The following DYRK4 variants were observed in gnomAD, a reference collection of about 807,000 sequenced individuals.
DYRK4 encodes the protein dual specificity tyrosine phosphorylation regulated kinase 4.
A neutral mutation model predicts 68.3 loss-of-function variants in DYRK4; 64 were observed. That is an observed-to-expected ratio of 0.94 (90% CI 0.77 to 1.15). The LOEUF is 1.15. Among genes scored for constraint, DYRK4 ranks in the 50% most tolerant of loss-of-function variants. The pLI, the probability that DYRK4 is intolerant of heterozygous loss-of-function variation, is 0.00. For synonymous variants in DYRK4, 274 were observed against 289.9 expected (o/e 0.95, Z 0.56); for missense variants, 740 against 764.7 (o/e 0.97, Z 0.38).
chr12:4,590,979 G>C, intron 4 of DYRK4, 181 bp from the exon 5 acceptor site: 1 of 714,108 alleles, frequency 1.4e-6, no homozygotes, highest in South Asian at 2.2e-5. Flanking sequence ...GTGTCAGTCA[G>C]ACAGATGCTT....
At chr12:4,605,601 A>T (rs1945136116) in intron 11 of DYRK4, among the ~76,000 whole-genome samples, 1 of 152,124 alleles carries the variant, frequency 6.6e-6, no homozygotes, top group Non-Finnish European at 1.5e-5. Flanking sequence ...CGTAAGCCTC[A>T]TGTGTAAAAA....
At chr12:4,601,127 G>T (rs1945075814) in intron 10 of DYRK4, among the ~76,000 whole-genome samples, 1 of 152,032 alleles carries the variant, frequency 6.6e-6, no homozygotes, top group Non-Finnish European at 1.5e-5. Flanking sequence ...AAAAACTAGG[G>T]GTAAAGTCCT....
chr12:4,612,572 A>G lies in DYRK4; in HGVS notation c.1520A>G (p.Asp507Gly), dbSNP rs1187110039. 6.2e-7 allele frequency: 1 copy of G among 1,614,214 alleles called. No individual in the cohort carries two copies. Among genetic ancestry groups the G allele is most frequent in the South Asian group, 1.1e-5 (1 of 91,088 alleles). The change falls in exon 14 of 15, where the codon GAC (aspartate) becomes GGC (glycine). Residue 507 changes from aspartate (D) to glycine (G), a missense_variant. Transcript: ENST00000543431. The stretch of plus-strand genomic sequence containing the variant: ...GAACCTTCTCTTCGCATGACCCCGG[A>G]CCAGGCCCTCAAGCATGCTTGGATT... ...VWEPSLRMTP[D>G]QALKHAWIHQ...
chr12:4,599,831 A>G (rs1391648934), intron 10 of DYRK4, 43 bp downstream of exon 10: 2 of 1,548,788 alleles, frequency 1.3e-6, no homozygotes, highest in Non-Finnish European at 8.9e-7. Context: ...TTCCTATTGC[A>G]ATTTCTCTCC....
intron 1 of DYRK4, chr12:4,563,148 T>C (rs755939988): frequency 3.1e-5 from 14 of 456,102 alleles, no homozygotes; most frequent in South Asian, 2.2e-4. Flanking sequence ...TTGTCTTGCT[T>C]GAGCGATTTG....
intron 10 of DYRK4, 132 bp from the exon 11 acceptor site, chr12:4,604,781 TA>T: frequency 9.0e-7 from 1 of 1,106,288 alleles, no homozygotes; most frequent in Non-Finnish European, 1.2e-6. Context: ...ATGGGAGTTC[TA>T]AGTGCTGGCC....
intron 11 of DYRK4, among the ~76,000 whole-genome samples, 169 bp from the exon 12 acceptor site, chr12:4,607,158 G>A (rs1012580269): frequency 1.3e-5 from 2 of 152,364 alleles, no homozygotes; most frequent in Non-Finnish European, 1.5e-5. Context: ...TGGATTAGGA[G>A]TTAAAAGGCC....
In DYRK4 at chr12:4,605,443, G is replaced by T. The variant is rs1361861837; in HGVS notation, c.1299+357G>T. Among the ~76,000 whole-genome samples, 6 of 152,156 alleles carry T rather than the reference G, an allele frequency of 3.9e-5. No homozygotes were observed. The East Asian group carries it at 1.2e-3, about 29-fold the overall frequency. ...TGATAGTATGTGAACAGGTTCTTAA[G>T]AGTTGTGCCATGATTTTACTTTGTT... On this transcript the variant is annotated intron_variant, in intron 11 of 14. Transcript: ENST00000543431.
At chr12:4,607,476 C>A in intron 12 of DYRK4, 89 bp downstream of exon 12, 1 of 1,402,782 alleles carries the variant, frequency 7.1e-7, no homozygotes, top group Non-Finnish European at 1.0e-6. Context: ...CCCCTGGCCA[C>A]ATACCAAAGG....
intron 8 of DYRK4, among the ~76,000 whole-genome samples, chr12:4,597,359 AG>A (rs1376738082): frequency 6.6e-6 from 1 of 152,252 alleles, no homozygotes; most frequent in Non-Finnish European, 1.5e-5. Context: ...GTGAGCTCTC[AG>A]AGTGTTACTG....
Position 4,591,356 on chromosome 12 carries a change from A to C in DYRK4, c.463+58A>C. ...GTGCTTATGGAAGGTCGGGGTGTTA[A>C]GAGCTAAGCTGCGCTGGAGTGAGCT... On this transcript the variant is annotated intron_variant, in intron 5 of 14. Coordinates refer to ENST00000543431, the MANE Select transcript of DYRK4 (RefSeq NM_001394779.1). This position sits in a 1 kb window ranked among gnomAD's most constrained non-coding sequence, Gnocchi z 4.1. The C allele has an allele frequency of 6.3e-7, 1 of 1,593,218 alleles. No homozygotes were observed.
At chr12:4,573,453 C>T in intron 2 of DYRK4, 1 of 1,241,182 alleles carries the variant, frequency 8.1e-7, no homozygotes, top group South Asian at 1.3e-5. Context: ...TGGTTTCTGT[C>T]AAAGGAATGT....
At chr12:4,590,498 A>G in intron 4 of DYRK4, 58 bp downstream of exon 4, 3 of 1,526,056 alleles carry the variant, frequency 2.0e-6, no homozygotes, top group Non-Finnish European at 2.6e-6. Context: ...TTTTAGTCCA[A>G]AGCCAGTTTT....
intron 10 of DYRK4, among the ~76,000 whole-genome samples, chr12:4,604,692 G>C (rs758746480): frequency 3.3e-5 from 5 of 152,228 alleles, no homozygotes; most frequent in Admixed American, 6.5e-5. Context: ...CCACGTTGGA[G>C]TTCGTTATCA....
chr12:4,576,591 ACTGTCTTCCAAACAAG>A (rs1944791719), intron 2 of DYRK4, among the ~76,000 whole-genome samples: 1 of 152,210 alleles, frequency 6.6e-6, no homozygotes, highest in Admixed American at 6.5e-5. Context: ...AAACTGCTAC[ACTGTCTTCCAAACAAG>A]CTGTACCATT....
intron 6 of DYRK4, 56 bp from the exon 7 acceptor site, chr12:4,596,093 C>T (rs1945014465): frequency 1.3e-6 from 2 of 1,583,556 alleles, no homozygotes; most frequent in African/African-American, 2.7e-5. Flanking sequence ...GGCCATGTAC[C>T]AGGAAGGCCT....
At position 4,602,489 on chromosome 12, in the gene DYRK4, GA is replaced by G; in HGVS notation, c.1127-2424del. 3 of 1,310,126 alleles carry G rather than the reference GA, an allele frequency of 2.3e-6. No individual in the cohort carries two copies. In the Admixed American group the frequency reaches 5.1e-5, roughly 22 times the overall value. The allele number at this position is 1,310,126 out of a possible 1,614,324, so 81.2% of individuals were successfully genotyped here. A position where few individuals can be genotyped will look rare whatever the true frequency, so the allele number is the denominator to read the frequency against. ...TTTACTTCGATCTGAGATGGCAGCAGAGCTTGGACAAGTCTTGCGGTTGAGT... is the reference window on the plus strand; with the variant it reads ...TTTACTTCGATCTGAGATGGCAGCAGGCTTGGACAAGTCTTGCGGTTGAGT... On this transcript the variant is annotated intron_variant, in intron 10 of 14. Coordinates refer to ENST00000543431, the MANE Select transcript of DYRK4 (RefSeq NM_001394779.1).
At chr12:4,566,947 A>G (rs1294115052) in intron 1 of DYRK4, among the ~76,000 whole-genome samples, 1 of 152,248 alleles carries the variant, frequency 6.6e-6, no homozygotes, top group African/African-American at 2.4e-5. Flanking sequence ...TTAAATAAAT[A>G]TAGAATTATA....
intron 8 of DYRK4, among the ~76,000 whole-genome samples, chr12:4,598,213 A>G (rs915212112): frequency 3.3e-5 from 5 of 152,174 alleles, no homozygotes; most frequent in African/African-American, 4.8e-5. Flanking sequence ...CCATCTCTAA[A>G]AAAACATTAA....
Sources: gnomAD v4.1 joint callset for allele counts (sites outside exome capture counted in the v4.1 genomes callset) on GRCh38, gnomAD v4.1.1 for gene constraint, Gnocchi (gnomAD v3.1) non-coding constraint, MANE v1.5 for transcripts, NCBI Gene and HGNC (gene_info 2026-07-23, HGNC 2026-07-21) for gene names.